The following GSTA4 variants were observed in gnomAD, a reference collection of about 807,000 sequenced individuals.
GSTA4 encodes glutathione S-transferase A4.
A neutral mutation model predicts 24.4 loss-of-function variants in GSTA4; 15 were observed. The ratio of observed to expected loss-of-function variants is 0.61; its 90% CI spans 0.41 to 0.95. GSTA4 has a LOEUF of 0.95. GSTA4 is among the 40% of genes least tolerant of loss of function. GSTA4 has a pLI of 0.00. For missense variants in GSTA4, 244 were observed against 262.1 expected, an observed-to-expected ratio of 0.93 and a Z score of 0.48; for synonymous variants, 92 against 94.2, an observed-to-expected ratio of 0.98 and a Z score of 0.13.
intron 2 of GSTA4, among the ~76,000 whole-genome samples, chr6:52,989,350 C>T (rs958884703): frequency 1.3e-5 from 2 of 152,162 alleles, no homozygotes; most frequent in Admixed American, 6.5e-5. Flanking sequence ...ACTGCAGACT[C>T]GCCTGAAATT....
chr6:52,988,956 C>T (rs770722098), intron 2 of GSTA4, among the ~76,000 whole-genome samples: 2 of 152,120 alleles, frequency 1.3e-5, no homozygotes, highest in African/African-American at 2.4e-5. Context: ...GCTGTATTCC[C>T]AGACAGTTAA....
At chr6:52,992,153 A>G (rs1763673459) in intron 2 of GSTA4, among the ~76,000 whole-genome samples, 1 of 152,196 alleles carries the variant, frequency 6.6e-6, no homozygotes, top group Non-Finnish European at 1.5e-5. Context: ...TACTGTCAGA[A>G]AGTGCTGAGA....
At chr6:52,983,585 T>A (rs577326734) in intron 5 of GSTA4, among the ~76,000 whole-genome samples, 11 of 152,340 alleles carry the variant, frequency 7.2e-5, no homozygotes, top group Admixed American at 7.2e-4. Flanking sequence ...AATCTCTTCA[T>A]GACTTCATTT....
At chr6:52,994,462 T>C (rs2127389238) in intron 1 of GSTA4, 1 of 526,462 alleles carries the variant, frequency 1.9e-6, no homozygotes, top group South Asian at 2.6e-5. Context: ...TTTTATATGA[T>C]TTCTATTTAT....
At position 52,978,414 on chromosome 6, in the gene GSTA4, C is replaced by T; in HGVS notation, c.*56G>A. The T allele has an allele frequency of 6.4e-7, 1 of 1,571,110 alleles. No individual in the cohort carries two copies. Among genetic ancestry groups the T allele is most frequent in the Non-Finnish European group, 8.7e-7 (1 of 1,144,320 alleles). The stretch of plus-strand genomic sequence containing the variant: ...AGAGCTGGGATCCATTAAGACATGA[C>T]TGTAGACAATACCATCTCTAGGAAC... On this transcript the variant is annotated 3_prime_UTR_variant, in exon 7 of 7. Coordinates refer to ENST00000370963, the MANE Select transcript of GSTA4 (RefSeq NM_001512.4).
chr6:52,983,232 C>T (rs982143357), intron 5 of GSTA4, among the ~76,000 whole-genome samples: 2 of 152,194 alleles, frequency 1.3e-5, no homozygotes, highest in Non-Finnish European at 2.9e-5. Flanking sequence ...CTTCCTCTTA[C>T]ATGTCCCAAA....
Position 52,984,566 on chromosome 6 carries a change from T to C in GSTA4, c.312A>G (p.Glu104=). The change falls in exon 5 of 7, where the codon GAA becomes GAG. Residue 104 remains glutamate, a synonymous_variant. Transcript: ENST00000370963. ...TTAAGAAAGGATGCATGATAAGCAG[T>C]TCCAGCAGATCCAGTGTCCCCTCCA... ...MYVEGTLDLL[E]LLIMHPFLKP... The C allele has an allele frequency of 1.9e-6, 3 of 1,613,492 alleles. No homozygotes were observed. Among genetic ancestry groups the C allele is most frequent in the Non-Finnish European group, 2.5e-6 (3 of 1,179,470 alleles).
chr6:52,980,020 C>T (rs1005789621), intron 6 of GSTA4, among the ~76,000 whole-genome samples: 12 of 151,938 alleles, frequency 7.9e-5, no homozygotes, highest in East Asian at 1.9e-4. Flanking sequence ...ATCTGGTGTC[C>T]GATTCTGAAG....
chr6:52,981,785 T>A (rs752745670), intron 6 of GSTA4, among the ~76,000 whole-genome samples: 1 of 152,232 alleles, frequency 6.6e-6, no homozygotes, highest in Non-Finnish European at 1.5e-5. Flanking sequence ...ATTCTGGGTC[T>A]CTACTTCCTC....
At chr6:52,988,223 A>G (rs1486293262) in intron 2 of GSTA4, among the ~76,000 whole-genome samples, 1 of 151,968 alleles carries the variant, frequency 6.6e-6, no homozygotes, top group Non-Finnish European at 1.5e-5. Flanking sequence ...AAAAAGAATG[A>G]TGTCAATTAT....
chr6:52,994,380 T>C lies in GSTA4; in HGVS notation c.-18-119A>G, dbSNP rs1763725228. 5.5e-6 allele frequency: 3 copies of C among 547,470 alleles called. No homozygotes were observed. In the Admixed American group the frequency reaches 9.3e-5, roughly 17 times the overall value. The allele number at this position is 547,470 out of a possible 1,614,324, so 33.9% of individuals were successfully genotyped here. On this transcript the variant is annotated intron_variant, in intron 1 of 6. Transcript: ENST00000370963. Reference sequence around the variant, plus strand: ...TTGGCACGGGAAACTGTTCTTTATTTTTGTTGCTGCATTTTCCCTCACTCA... The same window carrying C: ...TTGGCACGGGAAACTGTTCTTTATTCTTGTTGCTGCATTTTCCCTCACTCA...
intron 2 of GSTA4, 165 bp downstream of exon 2, chr6:52,993,992 A>G: frequency 1.4e-6 from 1 of 700,630 alleles, no homozygotes; most frequent in Non-Finnish European, 2.6e-6. Flanking sequence ...ACTACGTTCT[A>G]ATTATAAAGA....
chr6:52,987,620 G>A (rs905905454), intron 2 of GSTA4: 4 of 497,022 alleles, frequency 8.0e-6, no homozygotes, highest in Non-Finnish European at 1.4e-5. Context: ...AAGTTGATTG[G>A]TGCTTACTAG....
At chr6:52,986,333 C>A (rs975784999) in intron 3 of GSTA4, among the ~76,000 whole-genome samples, 7 of 152,162 alleles carry the variant, frequency 4.6e-5, no homozygotes, top group Non-Finnish European at 8.8e-5. Context: ...CCATATTGGA[C>A]AATGCAGAAT....
chr6:52,994,574 C>T lies in GSTA4; in HGVS notation c.-18-313G>A, dbSNP rs976866103. Among the ~76,000 whole-genome samples, 6 of 152,228 alleles carry T rather than the reference C, an allele frequency of 3.9e-5. No individual in the cohort carries two copies. The East Asian group carries it at 5.8e-4, about 15-fold the overall frequency. On this transcript the variant is annotated intron_variant, in intron 1 of 6. Transcript: ENST00000370963. ...AAATTCAGAATATTATATATTTTGA[C>T]CTCGAGAATCTCAGATTTTCCAAAT...
intron 6 of GSTA4, among the ~76,000 whole-genome samples, chr6:52,981,390 C>T (rs316140): frequency 0.56 from 85,728 of 151,964 alleles, 24,508 homozygotes; most frequent in East Asian, 0.74. Flanking sequence ...AAGCTTTTTC[C>T]ATAAAGGACC....
At chr6:52,988,540 T>C (rs1016555965) in intron 2 of GSTA4, among the ~76,000 whole-genome samples, 1 of 152,130 alleles carries the variant, frequency 6.6e-6, no homozygotes, top group Non-Finnish European at 1.5e-5. Flanking sequence ...ACCCTGAATC[T>C]ACACACAAGG....
chr6:52,979,439 T>C (rs1376290067), intron 6 of GSTA4, among the ~76,000 whole-genome samples: 3 of 152,218 alleles, frequency 2.0e-5, no homozygotes, highest in African/African-American at 7.2e-5. Context: ...ATTTTTTTCA[T>C]AGCCTCTGGC....
At chr6:52,994,282 C>T (rs1763721928) in intron 1 of GSTA4, 21 bp from the exon 2 acceptor site, 2 of 1,346,636 alleles carry the variant, frequency 1.5e-6, no homozygotes, top group Non-Finnish European at 2.1e-6. Context: ...AATGCAGCAG[C>T]TCGTCGCAGA....
Sources: allele counts gnomAD v4.1 joint callset (sites outside exome capture counted in the v4.1 genomes callset), GRCh38; gene constraint gnomAD v4.1.1; transcripts MANE v1.5; gene names NCBI Gene and HGNC (gene_info 2026-07-23, HGNC 2026-07-21).